Variants in CGGBP1 observed in about 807,000 individuals in gnomAD.
CGGBP1 encodes the protein CGG triplet repeat-binding protein 1.
CGGBP1 carries 4 observed loss-of-function variants against 11.4 expected under a neutral mutation model. The observed-to-expected ratio is 0.35, with a 90% CI of 0.17 to 0.80. CGGBP1 has a LOEUF of 0.80. Ranked by LOEUF, CGGBP1 falls within the 30% of genes least tolerant of loss-of-function variation. The pLI is 0.52. For synonymous variants in CGGBP1, 76 were observed against 74.1 expected (o/e 1.03, Z -0.13); for missense variants, 135 against 202.1 (o/e 0.67, Z 2.01).
At chr3:88,074,298 C>G (rs1461592189) in intron 2 of CGGBP1, among the ~76,000 whole-genome samples, 3 of 151,426 alleles carry the variant, frequency 2.0e-5, no homozygotes, top group Non-Finnish European at 1.5e-5. Flanking sequence ...TTCTTTTAGC[C>G]CTCTAAAGGA....
Position 88,122,301 on chromosome 3 carries a change from G to C in CGGBP1, c.-229+18669C>G, listed in dbSNP as rs182670755. 5.7e-4 allele frequency among the ~76,000 whole-genome samples: 87 copies of C among 152,270 alleles called. 1 individual carries two copies. In the East Asian group the frequency reaches 0.016, roughly 28 times the overall value. On this transcript the variant is annotated intron_variant, in intron 2 of 3. Transcript: ENST00000462901. ...AGAAAAGAATACATGATGTGCAATA[G>C]GTGAATGAGTAGGCAGGTAAGTCCA... is the stretch of plus-strand genomic sequence containing the variant.
intron 2 of CGGBP1, among the ~76,000 whole-genome samples, chr3:88,079,916 G>A (rs1414622365): frequency 2.6e-5 from 4 of 151,892 alleles, no homozygotes; most frequent in South Asian, 4.1e-4. Context: ...TTTCACACAA[G>A]TTTTAACTTA....
At chr3:88,059,317 C>T (rs991179190), upstream of CGGBP1, 2 of 1,533,886 alleles carry the variant, frequency 1.3e-6, no homozygotes, top group African/African-American at 1.4e-5. Flanking sequence ...CGGCGAGAGC[C>T]TCATGGCGGA....
In CGGBP1 at chr3:88,140,557, T is replaced by C. The variant is rs765439537; in HGVS notation, c.-229+413A>G. On this transcript the variant is annotated intron_variant, in intron 2 of 3. Coordinates refer to the CGGBP1 transcript ENST00000462901. ...TTGATAGACCAAAAGATGCCTGACA[T>C]AGAGCCAAATTCTGAAAATAATTGT... 8.1e-6 allele frequency: 13 copies of C among 1,613,596 alleles called. No homozygotes were observed. Among genetic ancestry groups the C allele is most frequent in the Non-Finnish European group, 1.0e-5 (12 of 1,179,734 alleles).
chr3:88,097,355 G>C (rs1485535245), intron 2 of CGGBP1, among the ~76,000 whole-genome samples: 4 of 151,314 alleles, frequency 2.6e-5, no homozygotes, highest in African/African-American at 7.3e-5. Flanking sequence ...TCACACCTTT[G>C]TCAACAGTTT....
intron 1 of CGGBP1, chr3:88,143,987 T>C (rs1441581538): frequency 6.6e-6 from 1 of 152,342 alleles, no homozygotes; most frequent in Non-Finnish European, 1.5e-5. Context: ...TTGCTTCTTA[T>C]TCCTCAGATT....
At chr3:88,056,733 T>C (rs1442583757) in intron 3 of CGGBP1, 1 of 20,546 alleles carries the variant, frequency 4.9e-5, no homozygotes, top group African/African-American at 5.7e-5. Flanking sequence ...AATACTTACT[T>C]CACTTAACTA....
Position 88,057,652 on chromosome 3 carries a change from C to A in CGGBP1, c.-125-360G>T, listed in dbSNP as rs140124620. 1.4e-3 allele frequency: 210 copies of A among 152,210 alleles called. 4 individuals are homozygous for A. The highest frequency in any genetic ancestry group is 4.8e-3 in the African/African-American group (200 of 41,522). 9.4% of individuals were successfully genotyped at this position (152,210 alleles called of 1,614,324 possible). Reference sequence around the variant, plus strand: ...TATTAAATATTTGTGCCCCGTAATGCGTTAAGTCTTACTTTCTATGTAAAA... The same window carrying A: ...TATTAAATATTTGTGCCCCGTAATGAGTTAAGTCTTACTTTCTATGTAAAA... On this transcript the variant is annotated intron_variant, in intron 2 of 3. Coordinates refer to ENST00000482016, the MANE Select transcript of CGGBP1 (RefSeq NM_001008390.2).
chr3:88,107,826 A>T (rs1344310963), intron 2 of CGGBP1, among the ~76,000 whole-genome samples: 1 of 152,046 alleles, frequency 6.6e-6, no homozygotes, highest in African/African-American at 2.4e-5. Flanking sequence ...TGATAATTTT[A>T]TCTTGTTCTT....
intron 2 of CGGBP1, among the ~76,000 whole-genome samples, chr3:88,081,954 A>G (rs1274262584): frequency 6.6e-6 from 1 of 152,226 alleles, no homozygotes; most frequent in Non-Finnish European, 1.5e-5. Flanking sequence ...GAAGGGGGTA[A>G]GACTAACCTA....
intron 2 of CGGBP1, chr3:88,139,101 A>G: frequency 1.6e-6 from 2 of 1,264,512 alleles, no homozygotes; most frequent in Non-Finnish European, 2.0e-6. Flanking sequence ...AAATGAAAGC[A>G]CACTGGAAAA....
upstream of CGGBP1, chr3:88,059,556 C>G (rs1295421336): frequency 1.4e-5 from 20 of 1,447,136 alleles, no homozygotes; most frequent in Middle Eastern, 9.0e-4. Context: ...CTGGGCCTCT[C>G]TGCGTCTCCT....
At chr3:88,101,719 G>T (rs1704436782) in intron 2 of CGGBP1, among the ~76,000 whole-genome samples, 2 of 152,106 alleles carry the variant, frequency 1.3e-5, no homozygotes, top group African/African-American at 4.8e-5. Context: ...TGTATGATTA[G>T]TTTATGTTTA....
chr3:88,116,646 G>A (rs1283950694), intron 2 of CGGBP1, among the ~76,000 whole-genome samples: 2 of 151,198 alleles, frequency 1.3e-5, no homozygotes, highest in African/African-American at 4.9e-5. Context: ...GTATATATAT[G>A]GCTTTTCATG....
chr3:88,068,077 G>A (rs1179957011), intron 2 of CGGBP1, among the ~76,000 whole-genome samples: 3 of 152,112 alleles, frequency 2.0e-5, no homozygotes, highest in Non-Finnish European at 2.9e-5. Context: ...TTTGTGGTAG[G>A]AGTAAAGTTC....
rs1227746639 is a variant in CGGBP1, at chr3:88,077,420, G to A, written c.-228-19197C>T. 4.0e-5 allele frequency among the ~76,000 whole-genome samples: 6 copies of A among 149,614 alleles called. 1 individual carries two copies. The highest frequency in any genetic ancestry group is 8.9e-5 in the Non-Finnish European group (6 of 67,728). ...GCGATCTCGGCTCACTGCAAGCTCC[G>A]CCGCCGGGTTCACTCCACTCTCCTG... On this transcript the variant is annotated intron_variant, in intron 2 of 3. Transcript: ENST00000462901.
chr3:88,082,346 C>CT (rs1465705764), intron 2 of CGGBP1, among the ~76,000 whole-genome samples: 2 of 152,146 alleles, frequency 1.3e-5, no homozygotes, highest in African/African-American at 4.8e-5. Context: ...AGGATGGTCT[C>CT]GATCTCTTGA....
intron 2 of CGGBP1, among the ~76,000 whole-genome samples, chr3:88,125,892 G>A (rs1442304819): frequency 6.6e-6 from 1 of 152,008 alleles, no homozygotes; most frequent in Admixed American, 6.6e-5. Flanking sequence ...TAGGTTACAC[G>A]TCATCCCTAT....
chr3:88,097,709 G>A (rs1704146514), intron 2 of CGGBP1, among the ~76,000 whole-genome samples: 1 of 152,180 alleles, frequency 6.6e-6, no homozygotes, highest in African/African-American at 2.4e-5. Context: ...CATGGGAACT[G>A]AACAACCGGC....
Sources: gnomAD v4.1 joint callset for allele counts (sites outside exome capture counted in the v4.1 genomes callset) on GRCh38, gnomAD v4.1.1 for gene constraint, MANE v1.5 for transcripts, NCBI Gene and HGNC (gene_info 2026-07-23, HGNC 2026-07-21) for gene names.